The following FBXL2 variants were observed in gnomAD, a reference collection of about 807,000 sequenced individuals.
FBXL2 encodes the protein F-box/LRR-repeat protein 2.
In FBXL2, 38 loss-of-function variants were observed where a neutral mutation model predicts 69.2. That is an observed-to-expected ratio of 0.55 (90% confidence interval 0.42 to 0.72). FBXL2 has a LOEUF of 0.72. FBXL2 is among the 30% of genes least tolerant of loss of function. The probability of loss-of-function intolerance (pLI) is 0.00; values close to 1 mark genes in which losing one functional copy is unlikely to be tolerated. For missense variants in FBXL2, 354 were observed against 520.3 expected, an observed-to-expected ratio of 0.68 and a Z score of 3.11; for synonymous variants, 192 against 201.3, an observed-to-expected ratio of 0.95 and a Z score of 0.39.
At chr3:33,378,565 A>T in intron 12 of FBXL2, 120 bp from the exon 13 acceptor site, 1 of 951,558 alleles carries the variant, frequency 1.1e-6, no homozygotes, top group Non-Finnish European at 1.6e-6. Context: ...CCAGCCCCAG[A>T]GTGTTTGAGA....
At chr3:33,382,777 G>GT (rs771761786) in intron 13 of FBXL2, 3 of 152,074 alleles carry the variant, frequency 2.0e-5, no homozygotes, top group Non-Finnish European at 4.4e-5. Flanking sequence ...AAAAACAATT[G>GT]TAACATCACA....
chr3:33,372,128 C>T (rs2042339848), intron 5 of FBXL2, among the ~76,000 whole-genome samples: 1 of 152,144 alleles, frequency 6.6e-6, no homozygotes, highest in African/African-American at 2.4e-5. Flanking sequence ...TAGAGTCTCA[C>T]TGTGTTGCCT....
At chr3:33,367,301 T>G (rs1367940924) in intron 5 of FBXL2, among the ~76,000 whole-genome samples, 1 of 152,098 alleles carries the variant, frequency 6.6e-6, no homozygotes, top group Non-Finnish European at 1.5e-5. Context: ...AGGCTAGTCT[T>G]GAAGTCCTGA....
chr3:33,404,859 G>A (rs762758116), downstream of FBXL2, among the ~76,000 whole-genome samples: 2 of 152,084 alleles, frequency 1.3e-5, no homozygotes, highest in Non-Finnish European at 1.5e-5. Flanking sequence ...TGACACTACC[G>A]AAAGAAAAAA....
At chr3:33,362,896 C>T (rs1250141591) in intron 4 of FBXL2, among the ~76,000 whole-genome samples, 1 of 151,516 alleles carries the variant, frequency 6.6e-6, no homozygotes, top group Non-Finnish European at 1.5e-5. Flanking sequence ...TTACAGTTGT[C>T]TGGAATTTTG....
chr3:33,285,009 G>C (rs1233976368), intron 1 of FBXL2, among the ~76,000 whole-genome samples: 1 of 152,150 alleles, frequency 6.6e-6, no homozygotes, highest in Non-Finnish European at 1.5e-5. Context: ...GCCAGTCTGT[G>C]TCTTTTAATT....
chr3:33,412,439 G>A, the FBXL2 span, among the ~76,000 whole-genome samples: 10 of 151,686 alleles, frequency 6.6e-5, 1 homozygote, highest in South Asian at 2.1e-4. Flanking sequence ...AGATCCTAGA[G>A]GGGCATGGTG....
At chr3:33,342,354 T>A (rs555732745) in intron 2 of FBXL2, among the ~76,000 whole-genome samples, 34 of 151,274 alleles carry the variant, frequency 2.2e-4, no homozygotes, top group East Asian at 5.8e-4. Flanking sequence ...AGATTTAAAA[T>A]ATATATATAT....
chr3:33,383,916 T>A, intron 13 of FBXL2, 73 bp from the exon 14 acceptor site: 3 of 1,478,186 alleles, frequency 2.0e-6, no homozygotes, highest in Non-Finnish European at 2.8e-6. Context: ...AAGGCTAGCT[T>A]CCAGCTTTTT....
At chr3:33,400,843 C>T in intron 12 of FBXL2, 2 of 946,664 alleles carry the variant, frequency 2.1e-6, no homozygotes, top group Non-Finnish European at 3.2e-6. Flanking sequence ...ACTCGATTAC[C>T]ACACATTACC....
intron 5 of FBXL2, among the ~76,000 whole-genome samples, chr3:33,365,511 C>G (rs897107993): frequency 9.2e-5 from 14 of 152,110 alleles, no homozygotes; most frequent in African/African-American, 2.7e-4. Flanking sequence ...AACTCCTGAG[C>G]TCACCCATCT....
intron 1 of FBXL2, among the ~76,000 whole-genome samples, chr3:33,292,844 C>T (rs74555229): frequency 1.3e-5 from 2 of 151,962 alleles, no homozygotes; most frequent in Middle Eastern, 3.2e-3. Context: ...GTTGGCTATA[C>T]TAATATCAGA....
At chr3:33,396,438 C>T in intron 12 of FBXL2, 1 of 525,516 alleles carries the variant, frequency 1.9e-6, no homozygotes, top group Non-Finnish European at 3.3e-6. Flanking sequence ...ATATAAAAAC[C>T]ACACACCTCA....
At chr3:33,302,074 G>A (rs1020151947) in intron 2 of FBXL2, among the ~76,000 whole-genome samples, 45 of 152,174 alleles carry the variant, frequency 3.0e-4, no homozygotes, top group African/African-American at 1.0e-3. Context: ...ATTTTTGGAT[G>A]CCCGAATATT....
At chr3:33,342,031 G>A (rs2040064891) in intron 2 of FBXL2, among the ~76,000 whole-genome samples, 1 of 127,444 alleles carries the variant, frequency 7.8e-6, no homozygotes. Flanking sequence ...TTGAGACGGA[G>A]TCTTGCTCTG....
chr3:33,374,409 C>T (rs1247398566), intron 9 of FBXL2, among the ~76,000 whole-genome samples: 2 of 152,184 alleles, frequency 1.3e-5, no homozygotes, highest in Non-Finnish European at 2.9e-5. Context: ...AACTATTGGT[C>T]CTTCTCCACT....
At chr3:33,348,989 G>C (rs2040642231) in intron 2 of FBXL2, among the ~76,000 whole-genome samples, 1 of 151,958 alleles carries the variant, frequency 6.6e-6, no homozygotes, top group Non-Finnish European at 1.5e-5. Context: ...TATTGAATTT[G>C]TTTATCAGTG....
the FBXL2 span, among the ~76,000 whole-genome samples, chr3:33,416,560 G>C: frequency 2.2e-4 from 33 of 152,224 alleles, no homozygotes; most frequent in Admixed American, 2.0e-4. Flanking sequence ...ATTGCTCCTT[G>C]ATTTCCAAGG....
intron 2 of FBXL2, among the ~76,000 whole-genome samples, chr3:33,319,775 G>A (rs1356695339): frequency 1.3e-5 from 2 of 151,744 alleles, no homozygotes; most frequent in African/African-American, 4.8e-5. Flanking sequence ...TTGATATTTG[G>A]TGCTTATTTT....
Sources: gnomAD v4.1 joint callset for allele counts (sites outside exome capture counted in the v4.1 genomes callset) on GRCh38, gnomAD v4.1.1 for gene constraint, MANE v1.5 for transcripts, NCBI Gene and HGNC (gene_info 2026-07-23, HGNC 2026-07-21) for gene names.